CNNM1: variants seen among roughly 807,000 people sequenced by gnomAD.
CNNM1 encodes the protein cyclin and CBS domain divalent metal cation transport mediator 1.
In CNNM1, 44 loss-of-function variants were observed where a neutral mutation model predicts 78.8. That is an observed-to-expected ratio of 0.56 (90% confidence interval 0.44 to 0.72). The LOEUF (loss-of-function observed/expected upper bound fraction) is 0.72. CNNM1 is among the 30% of genes least tolerant of loss of function. The pLI is 0.00. For synonymous variants in CNNM1, 584 were observed against 581.5 expected (o/e 1.00, Z -0.06); for missense variants, 1,101 against 1,292.2 (o/e 0.85, Z 2.27).
chr10:99,392,163 T>G lies in CNNM1; in HGVS notation c.*647T>G, dbSNP rs2032492034. 1 of 152,364 alleles carries G rather than the reference T, an allele frequency of 6.6e-6. No homozygotes were observed. The highest frequency in any genetic ancestry group is 2.1e-4 in the South Asian group (1 of 4,828). The allele number at this position is 152,364 out of a possible 1,614,324, so 9.4% of individuals were successfully genotyped here. A position where few individuals can be genotyped will look rare whatever the true frequency, so the allele number is the denominator to read the frequency against. ...TTCCAGCAGCCTGGGGCAGTATGTCTCAGCTGGAATGGAAAGAATGTGAGA... is the reference window on the plus strand; with the variant it reads ...TTCCAGCAGCCTGGGGCAGTATGTCGCAGCTGGAATGGAAAGAATGTGAGA... On this transcript the variant is annotated 3_prime_UTR_variant, in exon 11 of 11. Coordinates refer to ENST00000356713, the MANE Select transcript of CNNM1 (RefSeq NM_020348.3).
At chr10:99,377,268 C>T (rs1348417538) in intron 7 of CNNM1, 50 bp downstream of exon 7, 1 of 1,574,852 alleles carries the variant, frequency 6.3e-7, no homozygotes, top group Admixed American at 1.7e-5. Context: ...GCAGTGTTGG[C>T]TGGCTGAGCG....
rs2032492524 is a variant in CNNM1, at chr10:99,392,176, A to G, written c.*660A>G. 6.6e-6 allele frequency: 1 copy of G among 152,328 alleles called. No individual in the cohort carries two copies. Among genetic ancestry groups the G allele is most frequent in the Non-Finnish European group, 1.5e-5 (1 of 68,134 alleles). 9.4% of individuals were successfully genotyped at this position (152,328 alleles called of 1,614,324 possible). ...GGGCAGTATGTCTCAGCTGGAATGG[A>G]AAGAATGTGAGATGGAACCTCAAGT... On this transcript the variant is annotated 3_prime_UTR_variant, in exon 11 of 11. Coordinates refer to ENST00000356713, the MANE Select transcript of CNNM1 (RefSeq NM_020348.3).
Position 99,329,482 on chromosome 10 carries a change from C to T in CNNM1, c.95C>T (p.Ser32Phe), listed in dbSNP as rs1850545000. The T allele has an allele frequency of 1.3e-6, 2 of 1,489,488 alleles. No homozygotes were observed. The highest frequency in any genetic ancestry group is 1.4e-5 in the African/African-American group (1 of 69,052). 92.3% of individuals were successfully genotyped at this position (1,489,488 alleles called of 1,614,324 possible). ...GTGCTCCTGCTCTTCTTTTCCCTGTCTCCTCGGCCCCCGGCCGCCGCCGCC... is the reference window on the plus strand; with the variant it reads ...GTGCTCCTGCTCTTCTTTTCCCTGTTTCCTCGGCCCCCGGCCGCCGCCGCC... ...GAVLLLFFSL[S>F]PRPPAAAAWL... is the part of the protein sequence containing the mutation. The change falls in exon 1 of 11, where the codon TCT (serine) becomes TTT (phenylalanine). Residue 32 changes from serine to phenylalanine, a missense_variant. By Grantham distance (155) the Ser-to-Phe change is radical. Coordinates refer to ENST00000356713, the MANE Select transcript of CNNM1 (RefSeq NM_020348.3).
rs774027667 is a variant in CNNM1 at position 99,330,227 on chromosome 10, C to T, written c.840C>T (p.Thr280=). ...TGCAGGCCGTTCGCGGCAGGGGGACCCATCTGCTCTGCACCCTACTCCTGG... is the reference window on the plus strand; with the variant it reads ...TGCAGGCCGTTCGCGGCAGGGGGACTCATCTGCTCTGCACCCTACTCCTGG... ...RRVQAVRGRG[T]HLLCTLLLGQ... Residue 280 remains threonine, a synonymous_variant, in exon 1 of 11, where the codon ACC becomes ACT. Coordinates refer to ENST00000356713, the MANE Select transcript of CNNM1 (RefSeq NM_020348.3). 3 of 1,524,582 alleles carry T rather than the reference C, an allele frequency of 2.0e-6. No individual in the cohort carries two copies. In the South Asian group the frequency reaches 3.8e-5, roughly 19 times the overall value. The allele number at this position is 1,524,582 out of a possible 1,614,324, so 94.4% of individuals were successfully genotyped here. A position where few individuals can be genotyped will look rare whatever the true frequency, so the allele number is the denominator to read the frequency against.
At chr10:99,364,078 A>G (rs1008544906) in intron 4 of CNNM1, among the ~76,000 whole-genome samples, 16 of 152,134 alleles carry the variant, frequency 1.1e-4, no homozygotes, top group African/African-American at 4.8e-5. Flanking sequence ...AAATGGTCCA[A>G]TCTTGGACTA....
At chr10:99,364,590 ACT>A in intron 5 of CNNM1, 74 bp downstream of exon 5, 1 of 1,217,152 alleles carries the variant, frequency 8.2e-7, no homozygotes, top group Non-Finnish European at 1.2e-6. Flanking sequence ...TCAAGTCTTG[ACT>A]CCCCCTTTGA....
chr10:99,357,259 GA>G (rs1023028811), intron 1 of CNNM1, among the ~76,000 whole-genome samples: 10 of 151,690 alleles, frequency 6.6e-5, no homozygotes, highest in Non-Finnish European at 1.5e-4. Context: ...AAAGTTCAAA[GA>G]AAAAAAACTA....
intron 7 of CNNM1, among the ~76,000 whole-genome samples, chr10:99,387,096 A>G (rs1347908993): frequency 6.6e-6 from 1 of 152,218 alleles, no homozygotes; most frequent in Non-Finnish European, 1.5e-5. Context: ...CCCAGAGAAC[A>G]GGGGTGACAG....
At chr10:99,345,942 G>A (rs1255875660) in intron 1 of CNNM1, among the ~76,000 whole-genome samples, 4 of 151,950 alleles carry the variant, frequency 2.6e-5, no homozygotes, top group Admixed American at 6.6e-5. Context: ...CGATCCTCCC[G>A]CTTCAGCTTC....
chr10:99,367,837 T>A (rs2031672243), intron 6 of CNNM1, among the ~76,000 whole-genome samples: 1 of 149,890 alleles, frequency 6.7e-6, no homozygotes, highest in Non-Finnish European at 1.5e-5. Flanking sequence ...TTCCCATAGT[T>A]CCCCTGCCCA....
chr10:99,366,945 CAT>C (rs1221456713), intron 6 of CNNM1, among the ~76,000 whole-genome samples: 1 of 152,094 alleles, frequency 6.6e-6, no homozygotes, highest in Non-Finnish European at 1.5e-5. Context: ...TGAAAAGAAA[CAT>C]AGCACTCTTT....
chr10:99,344,372 C>A (rs1184746050), intron 1 of CNNM1, among the ~76,000 whole-genome samples: 1 of 151,300 alleles, frequency 6.6e-6, no homozygotes, highest in African/African-American at 2.4e-5. Flanking sequence ...AATAGTGATA[C>A]TACATTGTGA....
chr10:99,380,836 A>G (rs1480622575), intron 7 of CNNM1, among the ~76,000 whole-genome samples: 1 of 151,846 alleles, frequency 6.6e-6, no homozygotes, highest in Non-Finnish European at 1.5e-5. Context: ...CAATGATCTC[A>G]TATCTCCAAC....
chr10:99,329,845 G>C lies in CNNM1; in HGVS notation c.458G>C (p.Gly153Ala). 7.0e-7 allele frequency: 1 copy of C among 1,418,486 alleles called. No individual in the cohort carries two copies. Among genetic ancestry groups the C allele is most frequent in the African/African-American group, 1.5e-5 (1 of 66,406 alleles). 87.9% of individuals were successfully genotyped at this position (1,418,486 alleles called of 1,614,324 possible). ...GTCCTGGGGCCCTTGCGTCCCGGGGGCGTGGCAGGCTCGGCCCTGGTCCAG... is the reference window on the plus strand; with the variant it reads ...GTCCTGGGGCCCTTGCGTCCCGGGGCCGTGGCAGGCTCGGCCCTGGTCCAG... ...VEVLGPLRPG[G>A]VAGSALVQVR... Residue 153 changes from glycine to alanine, a missense_variant, in exon 1 of 11, where the codon GGC (glycine) becomes GCC (alanine). Gly to Ala is a moderately conservative substitution (Grantham distance 60). Transcript: ENST00000356713.
intron 7 of CNNM1, among the ~76,000 whole-genome samples, chr10:99,379,717 G>A (rs151092778): frequency 7.6e-4 from 113 of 148,898 alleles, no homozygotes; most frequent in Non-Finnish European, 1.4e-3. Flanking sequence ...AGCCTCCAGC[G>A]ATCCTCCCAC....
At chr10:99,336,060 A>T (rs1260069653) in intron 1 of CNNM1, among the ~76,000 whole-genome samples, 2 of 152,228 alleles carry the variant, frequency 1.3e-5, no homozygotes, top group Non-Finnish European at 2.9e-5. Flanking sequence ...AGTCCATAAC[A>T]ATCACCAAAG....
chr10:99,390,280 T>C (rs781130572), intron 9 of CNNM1, 26 bp from the exon 10 acceptor site: 63 of 1,556,764 alleles, frequency 4.0e-5, no homozygotes, highest in Non-Finnish European at 5.4e-5. Flanking sequence ...TTGAGACAAC[T>C]TGAGTTCTCT....
At chr10:99,377,858 A>T (rs1283123680) in intron 7 of CNNM1, among the ~76,000 whole-genome samples, 1 of 152,162 alleles carries the variant, frequency 6.6e-6, no homozygotes, top group African/African-American at 2.4e-5. Context: ...TCATGGCCTC[A>T]TAATTAAAGA....
chr10:99,373,599 A>C (rs1306573616), intron 6 of CNNM1, among the ~76,000 whole-genome samples: 1 of 152,152 alleles, frequency 6.6e-6, no homozygotes, highest in Non-Finnish European at 1.5e-5. Flanking sequence ...AGGGGGTACA[A>C]GTGCATTTTT....
Sources: gnomAD v4.1 joint callset for allele counts (sites outside exome capture counted in the v4.1 genomes callset) on GRCh38, gnomAD v4.1.1 for gene constraint, MANE v1.5 for transcripts, NCBI Gene and HGNC (gene_info 2026-07-23, HGNC 2026-07-21) for gene names.